Variants in SLC37A1 observed in about 807,000 individuals in gnomAD.
SLC37A1 encodes the protein glucose-6-phosphate exchanger SLC37A1.
Under a neutral mutation model 75.3 loss-of-function variants are expected in SLC37A1, and 49 were observed. That is an observed-to-expected ratio of 0.65 (90% CI 0.52 to 0.83). The LOEUF (loss-of-function observed/expected upper bound fraction) is 0.83, where lower values mean the gene tolerates loss of function less well. SLC37A1 is among the 40% of genes least tolerant of loss of function. The pLI, the probability that SLC37A1 is intolerant of heterozygous loss-of-function variation, is 0.00. For synonymous variants in SLC37A1, 268 were observed against 292.1 expected (o/e 0.92, Z 0.84); for missense variants, 566 against 695.0 (o/e 0.81, Z 2.09).
At chr21:42,566,327 G>A (rs764874610) in intron 15 of SLC37A1, among the ~76,000 whole-genome samples, 9 of 152,350 alleles carry the variant, frequency 5.9e-5, no homozygotes, top group East Asian at 3.9e-4. Flanking sequence ...AACAGGGTCC[G>A]GCCAGGAGCC....
intron 9 of SLC37A1, among the ~76,000 whole-genome samples, chr21:42,553,821 T>A (rs1041823967): frequency 1.3e-5 from 2 of 152,246 alleles, no homozygotes; most frequent in African/African-American, 4.8e-5. Context: ...TTAATGGGTA[T>A]TTTTACATTT....
intron 4 of SLC37A1, 118 bp downstream of exon 4, chr21:42,534,948 TC>T: frequency 2.2e-6 from 3 of 1,368,118 alleles, no homozygotes; most frequent in Non-Finnish European, 2.9e-6. Context: ...ATGACAGCCC[TC>T]TCCTACCAAA....
At chr21:42,567,404 C>T (rs1223402358) in intron 16 of SLC37A1, among the ~76,000 whole-genome samples, 1 of 152,184 alleles carries the variant, frequency 6.6e-6, no homozygotes, top group Non-Finnish European at 1.5e-5. Flanking sequence ...CTGGGGGATT[C>T]GGCCCTTCTC....
Position 42,518,391 on chromosome 21 carries a change from TTAA to T in SLC37A1, c.-62_-60del, listed in dbSNP as rs879099475. 30 of 1,600,358 alleles carry T rather than the reference TTAA, an allele frequency of 1.9e-5. No homozygotes were observed. The South Asian group carries it at 3.1e-4, about 16-fold the overall frequency. ...ACAGAGAGAGGATCTGGAGCCAGGA[TTAA>T]TGACTCATTTATGAAGCATCTTATT... On this transcript the variant is annotated 5_prime_UTR_variant, in exon 2 of 20. It removes an upstream start codon present in the reference 5' UTR. Coordinates refer to ENST00000352133, the MANE Select transcript of SLC37A1 (RefSeq NM_001320537.2).
At chr21:42,574,446 A>T (rs2056262046) in intron 17 of SLC37A1, among the ~76,000 whole-genome samples, 1 of 152,232 alleles carries the variant, frequency 6.6e-6, no homozygotes, top group Non-Finnish European at 1.5e-5. Flanking sequence ...GAGTATCCTT[A>T]TCTGAAGTAC....
chr21:42,553,229 C>A (rs1366379835), intron 9 of SLC37A1, among the ~76,000 whole-genome samples: 1 of 152,126 alleles, frequency 6.6e-6, no homozygotes, highest in Non-Finnish European at 1.5e-5. Context: ...GCACTAGTGC[C>A]AGAAATCTAA....
intron 14 of SLC37A1, among the ~76,000 whole-genome samples, chr21:42,565,191 A>AC (rs1464506911): frequency 6.6e-6 from 1 of 151,870 alleles, no homozygotes; most frequent in Non-Finnish European, 1.5e-5. Flanking sequence ...GGGCTGTGAC[A>AC]CCCCCCTCTA....
At chr21:42,563,131 T>C (rs2055876027) in intron 12 of SLC37A1, among the ~76,000 whole-genome samples, 1 of 152,082 alleles carries the variant, frequency 6.6e-6, no homozygotes, top group Admixed American at 6.5e-5. Context: ...TGAGGTTCCT[T>C]CCCTGCCTTG....
At chr21:42,530,783 A>C (rs1030499052) in intron 3 of SLC37A1, among the ~76,000 whole-genome samples, 2 of 151,720 alleles carry the variant, frequency 1.3e-5, no homozygotes, top group Admixed American at 6.6e-5. Context: ...TGGCTCCTGC[A>C]CCCTCCAGAC....
At chr21:42,557,633 C>T (rs1382364138) in intron 10 of SLC37A1, among the ~76,000 whole-genome samples, 1 of 152,276 alleles carries the variant, frequency 6.6e-6, no homozygotes, top group Non-Finnish European at 1.5e-5. Context: ...AGACGCTGGG[C>T]TGCCCCCAAG....
chr21:42,567,948 G>A (rs1055676602), intron 16 of SLC37A1, among the ~76,000 whole-genome samples: 2 of 152,234 alleles, frequency 1.3e-5, no homozygotes, highest in Non-Finnish European at 1.5e-5. Flanking sequence ...TCTGACAGGG[G>A]TCCCAGGAAG....
chr21:42,571,862 G>A (rs1411416987), intron 17 of SLC37A1, among the ~76,000 whole-genome samples: 1 of 151,932 alleles, frequency 6.6e-6, no homozygotes, highest in African/African-American at 2.4e-5. Context: ...CACCGTGGTC[G>A]CCATCCTGCC....
intron 17 of SLC37A1, among the ~76,000 whole-genome samples, chr21:42,571,645 G>A (rs1399924): frequency 0.5 from 75,287 of 151,784 alleles, 20,987 homozygotes; most frequent in Admixed American, 0.65. Flanking sequence ...CTCCTCTTAC[G>A]GAAGAGGGGA....
chr21:42,524,665 G>T (rs370866006), intron 2 of SLC37A1, among the ~76,000 whole-genome samples: 1 of 152,226 alleles, frequency 6.6e-6, no homozygotes, highest in Non-Finnish European at 1.5e-5. Flanking sequence ...ACATTTCATC[G>T]TGCTTGTTCT....
chr21:42,552,775 C>T lies in SLC37A1; in HGVS notation c.769-1287C>T, dbSNP rs1205130139. Among the ~76,000 whole-genome samples the T allele has an allele frequency of 6.6e-6, 1 of 152,198 alleles. No homozygotes were observed. Among genetic ancestry groups the T allele is most frequent in the South Asian group, 2.1e-4 (1 of 4,830 alleles). On this transcript the variant is annotated intron_variant, in intron 9 of 19. Coordinates refer to ENST00000352133, the MANE Select transcript of SLC37A1 (RefSeq NM_001320537.2). This position sits in a 1 kb window ranked among gnomAD's most constrained non-coding sequence, Gnocchi z 4.2. ...AAGATAGGCTTTGCCTGAGCACCCA[C>T]GTTCCTGGCTGAAAAGCAGGAAGAA...
At chr21:42,564,842 C>G in intron 14 of SLC37A1, 49 bp downstream of exon 14, 1 of 1,520,172 alleles carries the variant, frequency 6.6e-7, no homozygotes, top group Non-Finnish European at 9.0e-7. Flanking sequence ...GACAGTCCCC[C>G]ACTGTCCTCC....
In SLC37A1 at chr21:42,546,269, C is replaced by T. The variant is rs544503471; in HGVS notation, c.731-834C>T. 1.0e-3 allele frequency among the ~76,000 whole-genome samples: 152 copies of T among 152,338 alleles called. 1 individual carries two copies. Among genetic ancestry groups the T allele is most frequent in the Middle Eastern group, 3.4e-3 (1 of 294 alleles). On this transcript the variant is annotated intron_variant, in intron 8 of 19. Transcript: ENST00000352133. ...AGGTTGCTGGTGTCTGTAAAGGACA[C>T]GCTGAAGCCTCACTTCTGGTTCTGT...
At chr21:42,575,892 C>G (rs2056297681) in intron 18 of SLC37A1, 3 of 985,338 alleles carry the variant, frequency 3.0e-6, no homozygotes, top group Non-Finnish European at 2.4e-6. Flanking sequence ...CCTGAATGTT[C>G]TAATGAAGCC....
chr21:42,525,672 A>C (rs993400124), intron 2 of SLC37A1, 104 bp from the exon 3 acceptor site: 1 of 755,384 alleles, frequency 1.3e-6, no homozygotes, highest in African/African-American at 1.7e-5. Context: ...GTAGAACTGA[A>C]TGAATAATAC....
Sources: allele counts gnomAD v4.1 joint callset (sites outside exome capture counted in the v4.1 genomes callset), GRCh38; gene constraint gnomAD v4.1.1; non-coding constraint Gnocchi (gnomAD v3.1); transcripts MANE v1.5; gene names NCBI Gene and HGNC (gene_info 2026-07-23, HGNC 2026-07-21).